Variants in RYR3 observed in about 807,000 individuals in gnomAD.
The protein encoded by RYR3 is ryanodine receptor 3, also known as brain ryanodine receptor-calcium release channel.
In RYR3, 207 loss-of-function variants were observed where a neutral mutation model predicts 584.3. The observed-to-expected ratio is 0.35, with a 90% CI of 0.32 to 0.40. The LOEUF (loss-of-function observed/expected upper bound fraction) is 0.40, where lower values mean the gene tolerates loss of function less well. Ranked by LOEUF, RYR3 falls within the 10% of genes least tolerant of loss-of-function variation. The pLI is 1.00. For synonymous variants in RYR3, 2,416 were observed against 2,248.5 expected (o/e 1.07, Z -2.11); for missense variants, 5,616 against 6,089.2 (o/e 0.92, Z 2.59).
chr15:33,691,446 A>T (rs2152756656), intron 38 of RYR3, among the ~76,000 whole-genome samples: 1 of 152,338 alleles, frequency 6.6e-6, no homozygotes, highest in Non-Finnish European at 1.5e-5. Context: ...TCTGATTTTC[A>T]CTTGAAAGGT....
At chr15:33,348,383 T>C (rs576981167) in intron 1 of RYR3, among the ~76,000 whole-genome samples, 1 of 152,344 alleles carries the variant, frequency 6.6e-6, no homozygotes, top group African/African-American at 2.4e-5. Flanking sequence ...CTCACTTCAG[T>C]GAGGTTGTTT....
At chr15:33,677,421 C>G (rs1037756620) in intron 38 of RYR3, among the ~76,000 whole-genome samples, 2 of 152,228 alleles carry the variant, frequency 1.3e-5, no homozygotes, top group African/African-American at 4.8e-5. Context: ...AGGCATCTCT[C>G]CCTAACACAT....
intron 16 of RYR3, among the ~76,000 whole-genome samples, chr15:33,598,839 G>A (rs987064439): frequency 6.6e-6 from 1 of 152,084 alleles, no homozygotes; most frequent in African/African-American, 2.4e-5. Flanking sequence ...GGATCACAAG[G>A]TCAGGAGATC....
intron 1 of RYR3, among the ~76,000 whole-genome samples, chr15:33,375,667 T>C (rs2040671554): frequency 6.6e-6 from 1 of 152,190 alleles, no homozygotes; most frequent in Non-Finnish European, 1.5e-5. Context: ...TATTTCTTAT[T>C]GAAGTATAAT....
At chr15:33,347,119 A>G (rs1367724119) in intron 1 of RYR3, among the ~76,000 whole-genome samples, 1 of 152,106 alleles carries the variant, frequency 6.6e-6, no homozygotes, top group African/African-American at 2.4e-5. Context: ...GCTGACCTTG[A>G]TCACCTGGCT....
chr15:33,467,024 T>C (rs1218651993), intron 1 of RYR3, among the ~76,000 whole-genome samples: 2 of 148,862 alleles, frequency 1.3e-5, no homozygotes, highest in African/African-American at 5.0e-5. Context: ...AAAGCCCACT[T>C]ATTTTTCATT....
chr15:33,788,552 G>A lies in RYR3; in HGVS notation c.9830+94G>A, dbSNP rs1217382221. ...GAAAGATGGTGTTGGGTTGTTAACAGTGAGATAAAGGAGGCGATAGCCGCC... is the reference window on the plus strand; with the variant it reads ...GAAAGATGGTGTTGGGTTGTTAACAATGAGATAAAGGAGGCGATAGCCGCC... On this transcript the variant is annotated intron_variant, in intron 67 of 103. Transcript: ENST00000634891. 11 of 1,446,100 alleles carry A rather than the reference G, an allele frequency of 7.6e-6. No individual in the cohort carries two copies. The Admixed American group carries it at 2.2e-4, about 28-fold the overall frequency. The allele number at this position is 1,446,100 out of a possible 1,614,324, so 89.6% of individuals were successfully genotyped here.
intron 26 of RYR3, 55 bp downstream of exon 26, chr15:33,635,874 A>G (rs977568975): frequency 3.4e-5 from 51 of 1,483,732 alleles, no homozygotes; most frequent in Middle Eastern, 2.3e-4. Flanking sequence ...TCCTTCTCCA[A>G]ACATTTTTCT....
At chr15:33,347,767 C>A (rs7183038) in intron 1 of RYR3, among the ~76,000 whole-genome samples, 133,444 of 152,126 alleles carry the variant, frequency 0.88, 58,747 homozygotes, top group African/African-American at 0.95. Flanking sequence ...ATCAATTAAA[C>A]AAAATTTGCT....
intron 1 of RYR3, among the ~76,000 whole-genome samples, chr15:33,314,428 C>T (rs1050491545): frequency 1.3e-5 from 2 of 152,186 alleles, no homozygotes; most frequent in African/African-American, 4.8e-5. Context: ...TTCAGACAGT[C>T]GGTGGAGCAG....
At chr15:33,610,150 C>T (rs1031622321) in intron 18 of RYR3, among the ~76,000 whole-genome samples, 1 of 152,176 alleles carries the variant, frequency 6.6e-6, no homozygotes, top group African/African-American at 2.4e-5. Flanking sequence ...TTTATTGCCC[C>T]ACCATATCTC....
intron 1 of RYR3, among the ~76,000 whole-genome samples, chr15:33,340,164 T>C (rs960659316): frequency 2.0e-5 from 3 of 152,290 alleles, no homozygotes; most frequent in African/African-American, 7.2e-5. Flanking sequence ...AGTGGCTCCC[T>C]TTGAACGCTT....
chr15:33,478,234 C>T (rs2049605763), intron 2 of RYR3, among the ~76,000 whole-genome samples: 1 of 152,114 alleles, frequency 6.6e-6, no homozygotes, highest in Admixed American at 6.5e-5. Flanking sequence ...GTGTCAAGTA[C>T]TGCATTTCGG....
At chr15:33,533,497 G>T in intron 5 of RYR3, 108 bp downstream of exon 5, 1 of 683,076 alleles carries the variant, frequency 1.5e-6, no homozygotes. Context: ...AACCAACCTG[G>T]TTAAGAAATA....
At chr15:33,856,410 T>G (rs922310336) in intron 98 of RYR3, 2 of 152,292 alleles carry the variant, frequency 1.3e-5, no homozygotes, top group East Asian at 3.9e-4. Context: ...AGGTCAGATG[T>G]GCAGGTCCTG....
At chr15:33,554,291 C>CTTTTTT (rs71117147) in intron 10 of RYR3, among the ~76,000 whole-genome samples, 1 of 126,534 alleles carries the variant, frequency 7.9e-6, no homozygotes, top group Non-Finnish European at 1.6e-5. Context: ...CCTCCATTAT[C>CTTTTTT]TTTTTTTTTT....
At chr15:33,314,853 G>T (rs912844187) in intron 1 of RYR3, among the ~76,000 whole-genome samples, 3 of 152,110 alleles carry the variant, frequency 2.0e-5, no homozygotes, top group Non-Finnish European at 4.4e-5. Flanking sequence ...GGCGGAGCCT[G>T]CAGTGAGCCG....
chr15:33,819,722 A>C (rs2077012267), intron 76 of RYR3, 34 bp from the exon 77 acceptor site: 1 of 1,191,554 alleles, frequency 8.4e-7, no homozygotes, highest in Non-Finnish European at 1.1e-6. Flanking sequence ...AAATAAATAA[A>C]AAGCCTGCTA....
intron 1 of RYR3, among the ~76,000 whole-genome samples, chr15:33,430,510 C>T (rs2045049332): frequency 1.3e-5 from 2 of 152,174 alleles, no homozygotes; most frequent in African/African-American, 4.8e-5. Flanking sequence ...GACTTAGGGA[C>T]GTGACCTCCT....
Sources: gnomAD v4.1 joint callset for allele counts (sites outside exome capture counted in the v4.1 genomes callset) on GRCh38, gnomAD v4.1.1 for gene constraint, MANE v1.5 for transcripts, NCBI Gene and HGNC (gene_info 2026-07-23, HGNC 2026-07-21) for gene names.